CTNND1: variants seen among roughly 807,000 people sequenced by gnomAD.
CTNND1 encodes the protein catenin delta-1.
In CTNND1, 16 loss-of-function variants were observed where a neutral mutation model predicts 112.1. That is an observed-to-expected ratio of 0.14 (90% CI 0.10 to 0.22). The LOEUF (loss-of-function observed/expected upper bound fraction) is 0.22, where lower values mean the gene tolerates loss of function less well. Among genes scored for constraint, CTNND1 ranks in the 10% least tolerant of loss-of-function variants. The probability of loss-of-function intolerance (pLI) is 1.00; values close to 1 mark genes in which losing one functional copy is unlikely to be tolerated. For missense variants in CTNND1, 1,008 were observed against 1,257.0 expected (o/e 0.80, Z 3.00); for synonymous variants, 420 against 446.5 (o/e 0.94, Z 0.75).
intron 16 of CTNND1, 131 bp downstream of exon 16, chr11:57,810,354 A>T: frequency 1.8e-6 from 1 of 571,330 alleles, no homozygotes; most frequent in South Asian, 2.3e-5. Context: ...TCGGAGACAG[A>T]GTCTCACTCT....
At chr11:57,764,653 TG>T (rs1396657188) in intron 1 of CTNND1, among the ~76,000 whole-genome samples, 1 of 152,188 alleles carries the variant, frequency 6.6e-6, no homozygotes, top group Non-Finnish European at 1.5e-5. Context: ...TTGTTTGTTT[TG>T]TTTTTTAAGG....
intron 1 of CTNND1, among the ~76,000 whole-genome samples, chr11:57,787,712 G>A (rs2060279992): frequency 6.6e-6 from 1 of 152,168 alleles, no homozygotes; most frequent in Non-Finnish European, 1.5e-5. Context: ...ATCCCATATG[G>A]CCTCTGCTTC....
chr11:57,790,849 T>C (rs1022002978), intron 2 of CTNND1, among the ~76,000 whole-genome samples: 2 of 152,106 alleles, frequency 1.3e-5, no homozygotes, highest in African/African-American at 4.8e-5. Context: ...TAAGCCACAG[T>C]GCCCGGCCTT....
chr11:57,809,206 A>AATGC (rs2137420884), intron 14 of CTNND1, 68 bp from the exon 15 acceptor site: 2 of 1,108,842 alleles, frequency 1.8e-6, no homozygotes, highest in Admixed American at 3.9e-5. Context: ...TAATGCAGTT[A>AATGC]AGTATAATGT....
chr11:57,775,142 A>G (rs999302574), intron 1 of CTNND1, among the ~76,000 whole-genome samples: 5 of 152,114 alleles, frequency 3.3e-5, no homozygotes, highest in African/African-American at 1.2e-4. Context: ...TGAGGATCAC[A>G]AAACCTGAAT....
intron 3 of CTNND1, among the ~76,000 whole-genome samples, chr11:57,792,908 C>T (rs993989230): frequency 2.6e-5 from 4 of 151,428 alleles, no homozygotes; most frequent in Admixed American, 2.6e-4. Context: ...GAACAGAATT[C>T]CAGTTGGAGG....
intron 1 of CTNND1, among the ~76,000 whole-genome samples, chr11:57,765,770 C>A (rs1190072308): frequency 6.6e-6 from 1 of 152,092 alleles, no homozygotes; most frequent in Non-Finnish European, 1.5e-5. Flanking sequence ...ACCTGGCCCT[C>A]CCTTATATTT....
At chr11:57,796,399 A>G (rs2061367924) in intron 5 of CTNND1, 58 bp from the exon 6 acceptor site, 2 of 1,452,684 alleles carry the variant, frequency 1.4e-6, no homozygotes, top group South Asian at 1.4e-5. Context: ...AAAAAAAAAA[A>G]GAATTTAATT....
chr11:57,771,415 G>C (rs1210032301), intron 1 of CTNND1, among the ~76,000 whole-genome samples: 1 of 132,392 alleles, frequency 7.6e-6, no homozygotes, highest in Non-Finnish European at 1.6e-5. Context: ...GTGGGGGTGA[G>C]GTTATTTTAT....
chr11:57,769,025 G>C (rs1450308505), intron 1 of CTNND1, among the ~76,000 whole-genome samples: 1 of 151,490 alleles, frequency 6.6e-6, no homozygotes, highest in Non-Finnish European at 1.5e-5. Flanking sequence ...ATGAGACAGA[G>C]GCTGGGCGCG....
At chr11:57,783,951 G>T (rs1057342112) in intron 1 of CTNND1, among the ~76,000 whole-genome samples, 1 of 151,836 alleles carries the variant, frequency 6.6e-6, no homozygotes, top group African/African-American at 2.4e-5. Flanking sequence ...TTGAGACAGG[G>T]TCTTACTCTG....
At chr11:57,814,005 A>G (rs546096530) in intron 17 of CTNND1, 30 of 210,800 alleles carry the variant, frequency 1.4e-4, no homozygotes, top group African/African-American at 6.4e-4. Flanking sequence ...TTTAGATGGA[A>G]TTGTTTTTTG....
intron 1 of CTNND1, among the ~76,000 whole-genome samples, chr11:57,771,968 G>T (rs1952752449): frequency 6.7e-6 from 1 of 149,678 alleles, no homozygotes; most frequent in African/African-American, 2.5e-5. Context: ...TACAAGGTCT[G>T]TCTCGGCAGT....
In CTNND1 at chr11:57,764,951, A is replaced by G. The variant is rs1207309455; in HGVS notation, c.-214+2832A>G. 2.0e-5 allele frequency among the ~76,000 whole-genome samples: 3 copies of G among 152,320 alleles called. No homozygotes were observed. The East Asian group carries it at 5.8e-4, about 29-fold the overall frequency. On this transcript the variant is annotated intron_variant, in intron 1 of 20. Transcript: ENST00000399050. ...AATGTATGCAAAAGATCTATTTTCC[A>G]TAGAGCCCATGGGGAGCTGGATGTG...
At chr11:57,794,924 G>A (rs577923896) in intron 4 of CTNND1, among the ~76,000 whole-genome samples, 2 of 150,550 alleles carry the variant, frequency 1.3e-5, no homozygotes, top group South Asian at 2.1e-4. Flanking sequence ...TTGGCCAGGC[G>A]TGGTTTGCTC....
intron 9 of CTNND1, 83 bp downstream of exon 9, chr11:57,804,863 C>A: frequency 1.0e-6 from 1 of 961,992 alleles, no homozygotes. Flanking sequence ...GACCTATCAT[C>A]TCAGGCTTTC....
At chr11:57,783,515 C>T (rs1200146255) in intron 1 of CTNND1, among the ~76,000 whole-genome samples, 5 of 151,924 alleles carry the variant, frequency 3.3e-5, no homozygotes, top group Admixed American at 1.3e-4. Flanking sequence ...AAAAATTAGC[C>T]GGGCGTGTTG....
chr11:57,807,751 G>A (rs192352977), intron 12 of CTNND1, among the ~76,000 whole-genome samples: 39 of 152,066 alleles, frequency 2.6e-4, no homozygotes, highest in African/African-American at 9.2e-4. Context: ...AATCTATAAT[G>A]GACCCTTGTA....
intron 1 of CTNND1, among the ~76,000 whole-genome samples, chr11:57,778,488 A>T (rs2059238326): frequency 1.3e-5 from 2 of 152,206 alleles, no homozygotes; most frequent in African/African-American, 4.8e-5. Context: ...TAGGAATCTT[A>T]AAAATTCCCT....
Sources: gnomAD v4.1 joint callset for allele counts (sites outside exome capture counted in the v4.1 genomes callset) on GRCh38, gnomAD v4.1.1 for gene constraint, MANE v1.5 for transcripts, NCBI Gene and HGNC (gene_info 2026-07-23, HGNC 2026-07-21) for gene names.